Variants in CSGALNACT1 observed in about 807,000 individuals in gnomAD.
CSGALNACT1 encodes beta4GalNAcT-1.
A neutral mutation model predicts 51.0 loss-of-function variants in CSGALNACT1; 52 were observed. The observed-to-expected ratio is 1.02, with a 90% CI of 0.82 to 1.29. The LOEUF (loss-of-function observed/expected upper bound fraction) is 1.29, where lower values mean the gene tolerates loss of function less well. Ranked by LOEUF, CSGALNACT1 falls within the 50% of genes most tolerant of loss-of-function variation. CSGALNACT1 has a pLI of 0.00. For synonymous variants in CSGALNACT1, 341 were observed against 254.4 expected, an observed-to-expected ratio of 1.34 and a Z score of -3.24; for missense variants, 935 against 679.2, an observed-to-expected ratio of 1.38 and a Z score of -4.19.
At chr8:19,587,460 G>A (rs1003293923) in intron 3 of CSGALNACT1, among the ~76,000 whole-genome samples, 2 of 152,140 alleles carry the variant, frequency 1.3e-5, no homozygotes, top group Non-Finnish European at 2.9e-5. Context: ...CACCTAGGAT[G>A]GGGCTCCAAA....
At chr8:19,588,915 C>G (rs1042853158) in intron 3 of CSGALNACT1, among the ~76,000 whole-genome samples, 3 of 152,124 alleles carry the variant, frequency 2.0e-5, no homozygotes, top group Non-Finnish European at 2.9e-5. Flanking sequence ...ACACATTACT[C>G]AATGCATAGT....
intron 4 of CSGALNACT1, among the ~76,000 whole-genome samples, chr8:19,473,869 T>C (rs975289987): frequency 6.6e-6 from 1 of 152,184 alleles, no homozygotes; most frequent in African/African-American, 2.4e-5. Flanking sequence ...AGAAAAGAAT[T>C]ATAAGCCCAG....
chr8:19,579,150 G>C (rs1282661640), intron 3 of CSGALNACT1, among the ~76,000 whole-genome samples: 1 of 152,182 alleles, frequency 6.6e-6, no homozygotes, highest in Non-Finnish European at 1.5e-5. Context: ...TCCTGCGACG[G>C]CTTCCCATGT....
At chr8:19,526,107 A>G (rs1354935142) in intron 3 of CSGALNACT1, among the ~76,000 whole-genome samples, 1 of 152,214 alleles carries the variant, frequency 6.6e-6, no homozygotes, top group African/African-American at 2.4e-5. Flanking sequence ...ACAAGGCCCA[A>G]TGCTGTCATA....
intron 3 of CSGALNACT1, among the ~76,000 whole-genome samples, chr8:19,553,138 C>A (rs1205604161): frequency 6.6e-6 from 1 of 152,068 alleles, no homozygotes; most frequent in Non-Finnish European, 1.5e-5. Context: ...AGACAGAAGA[C>A]CTCTATGTGA....
chr8:19,444,140 G>A (rs922204784), intron 5 of CSGALNACT1, among the ~76,000 whole-genome samples: 4 of 152,240 alleles, frequency 2.6e-5, no homozygotes, highest in Non-Finnish European at 5.9e-5. Context: ...GTAATGGTGT[G>A]TGGACCAGGA....
intron 1 of CSGALNACT1, among the ~76,000 whole-genome samples, chr8:19,736,349 T>G (rs1392593420): frequency 3.3e-5 from 5 of 152,164 alleles, no homozygotes; most frequent in African/African-American, 1.2e-4. Flanking sequence ...CACAATAGCC[T>G]AAAATATTTA....
intron 1 of CSGALNACT1, among the ~76,000 whole-genome samples, chr8:19,708,773 T>A (rs1464539100): frequency 6.6e-6 from 1 of 152,110 alleles, no homozygotes; most frequent in Non-Finnish European, 1.5e-5. Flanking sequence ...AACACAGAGC[T>A]TCAGGAGGAA....
chr8:19,601,024 C>G (rs1271810231), intron 2 of CSGALNACT1, among the ~76,000 whole-genome samples: 1 of 151,790 alleles, frequency 6.6e-6, no homozygotes, highest in Non-Finnish European at 1.5e-5. Context: ...ATACAGCTTC[C>G]TGTTTCATAC....
intron 1 of CSGALNACT1, among the ~76,000 whole-genome samples, chr8:19,721,314 G>A (rs1172601171): frequency 1.3e-5 from 2 of 152,124 alleles, no homozygotes; most frequent in East Asian, 3.9e-4. Flanking sequence ...CAAGCCCTCT[G>A]CCTACTCCAC....
chr8:19,639,104 T>C (rs373802311), intron 1 of CSGALNACT1, among the ~76,000 whole-genome samples: 1 of 152,162 alleles, frequency 6.6e-6, no homozygotes, highest in Non-Finnish European at 1.5e-5. Flanking sequence ...ATATGAATGT[T>C]TCCCTAGCCC....
chr8:19,576,103 A>G (rs925440646), intron 3 of CSGALNACT1, among the ~76,000 whole-genome samples: 3 of 152,128 alleles, frequency 2.0e-5, no homozygotes, highest in African/African-American at 7.2e-5. Context: ...TTCTCTGTGC[A>G]GGCTCCTCTG....
rs569463860 is a variant in CSGALNACT1 at position 19,478,802 on chromosome 8, T to A, written c.635-20160A>T. Among the ~76,000 whole-genome samples, 8 of 152,328 alleles carry A rather than the reference T, an allele frequency of 5.3e-5. No individual in the cohort carries two copies. The East Asian group carries it at 1.4e-3, about 26-fold the overall frequency. On this transcript the variant is annotated intron_variant, in intron 4 of 9. Transcript: ENST00000454498. ...AAGCCTAATGTGACGAAGCTACTTA[T>A]CCCTTGAAGGGCAATATTCAAATGA...
At chr8:19,563,768 C>CT (rs1297141784) in intron 3 of CSGALNACT1, among the ~76,000 whole-genome samples, 1 of 152,140 alleles carries the variant, frequency 6.6e-6, no homozygotes, top group Non-Finnish European at 1.5e-5. Flanking sequence ...GCTCAGATCC[C>CT]TCTAAGCCTC....
chr8:19,484,347 A>G (rs773536449), intron 4 of CSGALNACT1, among the ~76,000 whole-genome samples: 4 of 152,200 alleles, frequency 2.6e-5, no homozygotes, highest in Non-Finnish European at 4.4e-5. Flanking sequence ...GGTTGGTACT[A>G]TTCAGTTTCA....
At chr8:19,661,868 C>T (rs112950209) in intron 1 of CSGALNACT1, among the ~76,000 whole-genome samples, 1 of 152,134 alleles carries the variant, frequency 6.6e-6, no homozygotes, top group African/African-American at 2.4e-5. Context: ...TCTATGTGAA[C>T]AGTTTCTCCT....
At chr8:19,440,969 T>C (rs28872331) in intron 5 of CSGALNACT1, among the ~76,000 whole-genome samples, 16 of 152,168 alleles carry the variant, frequency 1.1e-4, no homozygotes, top group Admixed American at 1.3e-4. Context: ...CCAGTCACAA[T>C]TGCTTCAAAG....
chr8:19,452,437 G>A (rs2063345148), intron 5 of CSGALNACT1, among the ~76,000 whole-genome samples: 1 of 148,948 alleles, frequency 6.7e-6, no homozygotes, highest in Non-Finnish European at 1.5e-5. Context: ...AAAAAGCAGG[G>A]AAGGGGAGAT....
At chr8:19,503,304 G>A (rs1036788927) in intron 4 of CSGALNACT1, among the ~76,000 whole-genome samples, 7 of 152,288 alleles carry the variant, frequency 4.6e-5, no homozygotes, top group East Asian at 1.9e-4. Context: ...GCTATAATGT[G>A]TCTCTAAAAG....
Sources: allele counts gnomAD v4.1 joint callset (sites outside exome capture counted in the v4.1 genomes callset), GRCh38; gene constraint gnomAD v4.1.1; transcripts MANE v1.5; gene names NCBI Gene and HGNC (gene_info 2026-07-23, HGNC 2026-07-21).